Variants in MTMR10 observed in about 807,000 individuals in gnomAD.
The protein encoded by MTMR10 is myotubularin-related protein 10.
MTMR10 carries 56 observed loss-of-function variants against 88.1 expected under a neutral mutation model. That is an observed-to-expected ratio of 0.64 (90% confidence interval 0.51 to 0.79). MTMR10 has a LOEUF of 0.79. Among genes scored for constraint, MTMR10 ranks in the 30% least tolerant of loss-of-function variants. The probability of loss-of-function intolerance (pLI) is 0.00; values close to 1 mark genes in which losing one functional copy is unlikely to be tolerated. For synonymous variants in MTMR10, 380 were observed against 340.9 expected (o/e 1.11, Z -1.26); for missense variants, 883 against 924.7 (o/e 0.95, Z 0.58).
downstream of MTMR10, among the ~76,000 whole-genome samples, chr15:30,938,197 T>C (rs879236422): frequency 6.6e-6 from 1 of 151,252 alleles, no homozygotes; most frequent in Non-Finnish European, 1.5e-5. Context: ...AAAAAAAAAA[T>C]TTAAAAACTA....
rs373787570 is a variant in MTMR10, at chr15:30,955,505, T to C, written c.936-612A>G. ...CAGGCTGGTCTCAAACTCCTGACCT[T>C]GTGATTCACCCCCCTTGGCCTCCCA... On this transcript the variant is annotated intron_variant, in intron 9 of 15. Transcript: ENST00000435680. 4.2e-3 allele frequency among the ~76,000 whole-genome samples: 641 copies of C among 152,180 alleles called. 3 individuals carry two copies. Among genetic ancestry groups the C allele is most frequent in the South Asian group, 7.7e-3 (37 of 4,826 alleles).
At chr15:30,929,981 TATATA>T in the MTMR10 span, among the ~76,000 whole-genome samples, 1 of 127,126 alleles carries the variant, frequency 7.9e-6, no homozygotes, top group South Asian at 2.2e-4. Flanking sequence ...AAATATATAA[TATATA>T]AGATATCATA....
chr15:30,983,837 G>A (rs2141066958), intron 2 of MTMR10, among the ~76,000 whole-genome samples: 1 of 152,302 alleles, frequency 6.6e-6, no homozygotes, highest in Non-Finnish European at 1.5e-5. Flanking sequence ...TTGAAACTAT[G>A]TGGAAGATAA....
chr15:30,960,665 G>C (rs1041265858), intron 7 of MTMR10, among the ~76,000 whole-genome samples: 1 of 152,140 alleles, frequency 6.6e-6, no homozygotes, highest in Non-Finnish European at 1.5e-5. Flanking sequence ...ACTGACTACT[G>C]ATGACAGTAA....
At chr15:30,923,670 C>T in the MTMR10 span, among the ~76,000 whole-genome samples, 1 of 152,230 alleles carries the variant, frequency 6.6e-6, no homozygotes, top group Non-Finnish European at 1.5e-5. Context: ...TCTCCGAGGC[C>T]AGGCTGCCGC....
At position 30,948,297 on chromosome 15, in the gene MTMR10, G is replaced by A. The variant is rs556612097; in HGVS notation, c.1377+5C>T. ...ACTGATAAAAAGGCATCAAGATTTTGTTACCTCTTTCTCTGATCTCTTTAG... is the reference window on the plus strand; with the variant it reads ...ACTGATAAAAAGGCATCAAGATTTTATTACCTCTTTCTCTGATCTCTTTAG... On this transcript the variant is annotated splice_donor_5th_base_variant and intron_variant, in intron 13 of 15. Coordinates refer to ENST00000435680, the MANE Select transcript of MTMR10 (RefSeq NM_017762.3). The A allele has an allele frequency of 2.5e-6, 4 of 1,604,834 alleles. No homozygotes were observed. The African/African-American group carries it at 4.0e-5, about 16-fold the overall frequency.
chr15:30,974,598 A>T (rs1203879317), intron 4 of MTMR10, 142 bp from the exon 5 acceptor site: 1 of 850,984 alleles, frequency 1.2e-6, no homozygotes, highest in East Asian at 3.1e-5. Context: ...CATACTTGTA[A>T]TTCCTAGAAC....
At chr15:30,972,726 T>A (rs1428644264) in intron 5 of MTMR10, among the ~76,000 whole-genome samples, 1 of 152,212 alleles carries the variant, frequency 6.6e-6, no homozygotes, top group Non-Finnish European at 1.5e-5. Context: ...GGCAAGAAAC[T>A]GCATCTTACC....
intron 1 of MTMR10, chr15:30,991,165 AC>A (rs1475347225): frequency 2.1e-6 from 1 of 468,226 alleles, no homozygotes; most frequent in Non-Finnish European, 3.7e-6. Flanking sequence ...ACTAAAGAAA[AC>A]CCCAGCTCCC....
chr15:30,925,691 T>C, the MTMR10 span: 1 of 1,349,336 alleles, frequency 7.4e-7, no homozygotes, highest in Middle Eastern at 1.9e-4. Context: ...GTGACTGACT[T>C]TGTGGTAAGG....
At chr15:30,945,767 A>G (rs985951898) in intron 14 of MTMR10, among the ~76,000 whole-genome samples, 1 of 152,162 alleles carries the variant, frequency 6.6e-6, no homozygotes, top group Non-Finnish European at 1.5e-5. Flanking sequence ...TTCTCAGCAC[A>G]GTATCTGGAA....
At chr15:30,922,258 C>A in the MTMR10 span, 1 of 1,612,156 alleles carries the variant, frequency 6.2e-7, no homozygotes, top group Non-Finnish European at 8.5e-7. Context: ...AACTTGAAAG[C>A]CTTTTGTCTC....
Position 30,975,016 on chromosome 15 carries a change from A to T in MTMR10, c.259-13T>A. On this transcript the variant is annotated splice_polypyrimidine_tract_variant and intron_variant, in intron 3 of 15. Transcript: ENST00000435680. ...TGTAATGGAATTTCTGGAATAAAAA[A>T]TTATGTTCATATTAATTCTTTTCCC... The T allele has an allele frequency of 1.3e-6, 2 of 1,516,212 alleles. No homozygotes were observed. 93.9% of individuals were successfully genotyped at this position (1,516,212 alleles called of 1,614,324 possible).
In MTMR10 at chr15:30,947,246, G is replaced by C; in HGVS notation, c.1432C>G (p.Pro478Ala). The change falls in exon 14 of 16, where the codon CCT (proline) becomes GCT (alanine). Residue 478 changes from proline to alanine, a missense_variant. By Grantham distance (27) the Pro-to-Ala change is conservative. Transcript: ENST00000435680. ...DATWQLLEQY[P>A]AAFEFSETYL... ...GTTTCGGAGAACTCAAAAGCTGCAG[G>C]ATATTGTTCTAACAGCTGCCAGGTG... 1.2e-6 allele frequency: 2 copies of C among 1,613,916 alleles called. No homozygotes were observed. Among genetic ancestry groups the C allele is most frequent in the South Asian group, 1.1e-5 (1 of 91,070 alleles).
the MTMR10 span, among the ~76,000 whole-genome samples, chr15:30,929,993 C>T: frequency 1.6e-5 from 2 of 124,148 alleles, no homozygotes; most frequent in Non-Finnish European, 3.2e-5. Flanking sequence ...TATAAGATAT[C>T]ATATATAATA....
the MTMR10 span, chr15:30,928,958 A>T: frequency 3.1e-6 from 1 of 318,772 alleles, no homozygotes; most frequent in Non-Finnish European, 4.5e-6. Flanking sequence ...CAAGGAGCTC[A>T]CAGACATGGG....
intron 12 of MTMR10, 162 bp from the exon 13 acceptor site, chr15:30,948,633 A>G (rs1024366151): frequency 2.0e-5 from 13 of 658,522 alleles, no homozygotes; most frequent in African/African-American, 1.6e-4. Flanking sequence ...AAAATATTAC[A>G]GACTTGTAGA....
At chr15:30,947,376 C>T (rs1233352180) in intron 13 of MTMR10, 76 bp from the exon 14 acceptor site, 1 of 1,478,466 alleles carries the variant, frequency 6.8e-7, no homozygotes, top group Non-Finnish European at 9.1e-7. Context: ...AAATGTACTG[C>T]TGATGTTAAA....
intron 4 of MTMR10, 118 bp downstream of exon 4, chr15:30,974,813 G>C: frequency 1.5e-6 from 1 of 668,168 alleles, no homozygotes; most frequent in Non-Finnish European, 2.3e-6. Flanking sequence ...TCAAAAAAAC[G>C]GCAAAAGTAA....
Sources: allele counts gnomAD v4.1 joint callset (sites outside exome capture counted in the v4.1 genomes callset), GRCh38; gene constraint gnomAD v4.1.1; transcripts MANE v1.5; gene names NCBI Gene and HGNC (gene_info 2026-07-23, HGNC 2026-07-21).